Variants in MYO1D observed in about 807,000 individuals in gnomAD.
MYO1D encodes unconventional myosin-Id.
MYO1D carries 83 observed loss-of-function variants against 122.0 expected under a neutral mutation model. That is an observed-to-expected ratio of 0.68 (90% CI 0.57 to 0.82). MYO1D has a LOEUF of 0.82. MYO1D is among the 40% of genes least tolerant of loss of function. The probability of loss-of-function intolerance (pLI) is 0.00; values close to 1 mark genes in which losing one functional copy is unlikely to be tolerated. For missense variants in MYO1D, 1,157 were observed against 1,269.5 expected, an observed-to-expected ratio of 0.91 and a Z score of 1.35; for synonymous variants, 464 against 446.9, an observed-to-expected ratio of 1.04 and a Z score of -0.48.
chr17:32,569,095 T>C (rs1862800094), intron 21 of MYO1D, among the ~76,000 whole-genome samples: 1 of 152,240 alleles, frequency 6.6e-6, no homozygotes, highest in Non-Finnish European at 1.5e-5. Flanking sequence ...GCCTTTTAAA[T>C]AAATACATTG....
intron 17 of MYO1D, 89 bp from the exon 18 acceptor site, chr17:32,654,710 C>G: frequency 8.0e-7 from 1 of 1,248,378 alleles, no homozygotes; most frequent in Non-Finnish European, 1.1e-6. Flanking sequence ...TTTGAGTCTC[C>G]CTCCATCTCC....
chr17:32,834,614 T>A (rs1486184243), intron 1 of MYO1D, among the ~76,000 whole-genome samples: 1 of 152,240 alleles, frequency 6.6e-6, no homozygotes, highest in Admixed American at 6.5e-5. Flanking sequence ...ACTTGAGAAC[T>A]GCAGCATTCT....
chr17:32,823,693 C>A (rs1259561985), intron 1 of MYO1D, among the ~76,000 whole-genome samples: 2 of 152,032 alleles, frequency 1.3e-5, no homozygotes, highest in African/African-American at 2.4e-5. Flanking sequence ...TAGGAAAAAA[C>A]CTAATTTTAG....
At chr17:32,650,107 T>A (rs188151068) in intron 19 of MYO1D, among the ~76,000 whole-genome samples, 1 of 152,374 alleles carries the variant, frequency 6.6e-6, no homozygotes. Flanking sequence ...TCTGGATGAC[T>A]TCCTTTAACA....
intron 11 of MYO1D, among the ~76,000 whole-genome samples, 191 bp from the exon 12 acceptor site, chr17:32,749,197 A>C (rs1316357913): frequency 6.6e-6 from 1 of 152,242 alleles, no homozygotes; most frequent in Non-Finnish European, 1.5e-5. Context: ...GCTAGACTAC[A>C]TTTCCTGACC....
At chr17:32,642,434 G>C (rs563765976) in intron 19 of MYO1D, among the ~76,000 whole-genome samples, 55 of 152,258 alleles carry the variant, frequency 3.6e-4, no homozygotes, top group African/African-American at 1.3e-3. Flanking sequence ...GGTTCCATAT[G>C]AACTTTACAG....
intron 1 of MYO1D, among the ~76,000 whole-genome samples, chr17:32,826,426 C>T (rs1747392019): frequency 6.6e-6 from 1 of 152,116 alleles, no homozygotes; most frequent in Non-Finnish European, 1.5e-5. Context: ...CTTACAGTAG[C>T]CAGCTTACTA....
At chr17:32,876,181 A>T (rs888938434) in intron 1 of MYO1D, among the ~76,000 whole-genome samples, 5 of 152,152 alleles carry the variant, frequency 3.3e-5, no homozygotes, top group Non-Finnish European at 7.4e-5. Context: ...TTACGTTTAG[A>T]GAGTAACTAA....
At chr17:32,820,386 A>G (rs1296028061) in intron 1 of MYO1D, among the ~76,000 whole-genome samples, 1 of 152,194 alleles carries the variant, frequency 6.6e-6, no homozygotes, top group African/African-American at 2.4e-5. Flanking sequence ...TGACAAATGG[A>G]TGGATAAAGA....
chr17:32,796,559 C>T (rs2430982), intron 1 of MYO1D, among the ~76,000 whole-genome samples: 66,358 of 151,868 alleles, frequency 0.44, 15,071 homozygotes, highest in East Asian at 0.73. Context: ...ACTACAGGCG[C>T]GGGCCACCAC....
At chr17:32,691,090 C>T (rs527240693) in intron 16 of MYO1D, among the ~76,000 whole-genome samples, 11 of 151,702 alleles carry the variant, frequency 7.3e-5, no homozygotes, top group African/African-American at 2.2e-4. Flanking sequence ...AGTCAGAACT[C>T]ATCTCTTAAA....
At chr17:32,566,518 T>C (rs1464177441) in intron 21 of MYO1D, among the ~76,000 whole-genome samples, 1 of 151,062 alleles carries the variant, frequency 6.6e-6, no homozygotes, top group East Asian at 2.0e-4. Context: ...AAATGCAGAG[T>C]GAGGAGGTGG....
intron 20 of MYO1D, among the ~76,000 whole-genome samples, chr17:32,629,861 T>A (rs535355542): frequency 1.1e-4 from 17 of 152,334 alleles, no homozygotes; most frequent in Non-Finnish European, 2.1e-4. Flanking sequence ...AGCACTGTAC[T>A]CTATTTGATA....
rs113767875 is a variant in MYO1D, at chr17:32,638,008, C to G, written c.2709+714G>C. On this transcript the variant is annotated intron_variant, in intron 20 of 21. Transcript: ENST00000318217. Reference sequence around the variant, plus strand: ...CTCATAGTTCCCAGTATTAGACAAACACAGTCTTCCTTCTTTAACAACTAA... The same window carrying G: ...CTCATAGTTCCCAGTATTAGACAAAGACAGTCTTCCTTCTTTAACAACTAA... Among the ~76,000 whole-genome samples, 74 of 152,294 alleles carry G rather than the reference C, an allele frequency of 4.9e-4. 1 individual carries two copies. The highest frequency in any genetic ancestry group is 3.4e-3 in the Middle Eastern group (1 of 294).
At chr17:32,766,529 C>G (rs1178299670) in intron 7 of MYO1D, among the ~76,000 whole-genome samples, 1 of 152,176 alleles carries the variant, frequency 6.6e-6, no homozygotes, top group Non-Finnish European at 1.5e-5. Context: ...GGCACAGTGG[C>G]TCACGCCTGT....
intron 20 of MYO1D, among the ~76,000 whole-genome samples, chr17:32,612,542 TG>T (rs1195583379): frequency 6.6e-6 from 1 of 151,466 alleles, no homozygotes; most frequent in Non-Finnish European, 1.5e-5. Flanking sequence ...TAGCTGGAGC[TG>T]GATGTGGTGG....
At chr17:32,615,007 A>G (rs2087753963) in intron 20 of MYO1D, among the ~76,000 whole-genome samples, 2 of 152,248 alleles carry the variant, frequency 1.3e-5, no homozygotes, top group African/African-American at 2.4e-5. Context: ...ATTGTGGAGC[A>G]GAGGCATGCT....
At chr17:32,741,937 C>T (rs1353180902) in intron 13 of MYO1D, among the ~76,000 whole-genome samples, 1 of 151,054 alleles carries the variant, frequency 6.6e-6, no homozygotes, top group Non-Finnish European at 1.5e-5. Context: ...ATGGCATGAA[C>T]CTGGGAGGCG....
At chr17:32,645,125 C>T (rs1342660124) in intron 19 of MYO1D, among the ~76,000 whole-genome samples, 3 of 152,194 alleles carry the variant, frequency 2.0e-5, no homozygotes, top group South Asian at 4.1e-4. Flanking sequence ...CAAAATCTCT[C>T]AGCATTTGCT....
Sources: allele counts gnomAD v4.1 joint callset (sites outside exome capture counted in the v4.1 genomes callset), GRCh38; gene constraint gnomAD v4.1.1; transcripts MANE v1.5; gene names NCBI Gene and HGNC (gene_info 2026-07-23, HGNC 2026-07-21).